Variants in DUOX1 observed in about 807,000 individuals in gnomAD.
The protein encoded by DUOX1 is dual oxidase 1.
A neutral mutation model predicts 181.8 loss-of-function variants in DUOX1; 134 were observed. The observed-to-expected ratio is 0.74, with a 90% confidence interval of 0.64 to 0.85. The LOEUF (loss-of-function observed/expected upper bound fraction) is 0.85. Among genes scored for constraint, DUOX1 ranks in the 40% least tolerant of loss-of-function variants. The pLI is 0.00. For missense variants in DUOX1, 1,814 were observed against 2,064.4 expected (o/e 0.88, Z 2.35); for synonymous variants, 798 against 832.5 (o/e 0.96, Z 0.71).
rs76239388 is a variant in DUOX1, at chr15:45,146,237, A to G, written c.2322+1157A>G. Among the ~76,000 whole-genome samples, 705 of 152,356 alleles carry G rather than the reference A, an allele frequency of 4.6e-3. 5 individuals are homozygous for G. The highest frequency in any genetic ancestry group is 0.016 in the African/African-American group (685 of 41,586). On this transcript the variant is annotated intron_variant, in intron 18 of 33. Transcript: ENST00000389037. ...ATGTTTGAGGAGAAAAAGCAGGATC[A>G]TGTGGTTGGGGAGAGGATTCATGAG...
intron 2 of DUOX1, among the ~76,000 whole-genome samples, chr15:45,132,848 AT>A (rs1896188235): frequency 6.6e-6 from 1 of 152,108 alleles, no homozygotes; most frequent in South Asian, 2.1e-4. Flanking sequence ...TCTCTCCTTT[AT>A]GTGCCACAGG....
intron 20 of DUOX1, 73 bp from the exon 21 acceptor site, chr15:45,148,199 T>C (rs1896705123): frequency 7.5e-6 from 12 of 1,602,002 alleles, no homozygotes; most frequent in Non-Finnish European, 9.4e-6. Flanking sequence ...CTTGGTGCGA[T>C]GGAGTCAGTG....
chr15:45,161,246 T>A (rs1595597549), intron 29 of DUOX1, among the ~76,000 whole-genome samples: 1 of 144,196 alleles, frequency 6.9e-6, no homozygotes, highest in Non-Finnish European at 1.5e-5. Context: ...ACCCTGTCTC[T>A]ACCACAAAAA....
At chr15:45,147,751 T>C in intron 19 of DUOX1, 93 bp downstream of exon 19, 1 of 1,563,830 alleles carries the variant, frequency 6.4e-7, no homozygotes, top group Non-Finnish European at 8.8e-7. Context: ...CCATGGCAGA[T>C]GCCCAGAAGT....
chr15:45,164,868 G>C lies in DUOX1; in HGVS notation c.4623G>C (p.Arg1541=). The C allele has an allele frequency of 6.2e-7, 1 of 1,614,178 alleles. No homozygotes were observed. The highest frequency in any genetic ancestry group is 8.5e-7 in the Non-Finnish European group (1 of 1,180,006). ...GTCAGCTCATCAACAGGCAGGACCG[G>C]ACTCACTTCTCCCACCATTATGAGA... ...KACQLINRQD[R]THFSHHYENF is the part of the protein sequence containing the mutation. Residue 1541 remains arginine, a synonymous_variant, in exon 34 of 34, where the codon CGG becomes CGC. Coordinates refer to ENST00000389037, the MANE Select transcript of DUOX1 (RefSeq NM_175940.3).
intron 21 of DUOX1, among the ~76,000 whole-genome samples, chr15:45,148,816 C>T (rs1190526457): frequency 6.6e-6 from 1 of 151,828 alleles, no homozygotes; most frequent in Non-Finnish European, 1.5e-5. Context: ...GCCCCCTGTG[C>T]GTGGTGCCCA....
intron 7 of DUOX1, 151 bp from the exon 8 acceptor site, chr15:45,136,199 C>T (rs1896308734): frequency 7.2e-7 from 1 of 1,395,358 alleles, no homozygotes; most frequent in Non-Finnish European, 9.8e-7. Context: ...CTTGTGGGGA[C>T]AGGCCTCACA....
intron 20 of DUOX1, 28 bp from the exon 21 acceptor site, chr15:45,148,244 C>A (rs780306705): frequency 6.2e-7 from 1 of 1,613,332 alleles, no homozygotes; most frequent in Non-Finnish European, 8.5e-7. Flanking sequence ...CCAGTCAGGG[C>A]CGGATGGTTC....
At chr15:45,133,767 T>C (rs1896211843) in intron 2 of DUOX1, 97 bp from the exon 3 acceptor site, 1 of 1,042,894 alleles carries the variant, frequency 9.6e-7, no homozygotes, top group Non-Finnish European at 1.5e-6. Flanking sequence ...TTTCTGCTGC[T>C]CCAAGTGCCA....
chr15:45,133,867 C>T lies in DUOX1; in HGVS notation c.62C>T (p.Ala21Val). The T allele has an allele frequency of 6.2e-7, 1 of 1,613,726 alleles. No individual in the cohort carries two copies. The highest frequency in any genetic ancestry group is 8.5e-7 in the Non-Finnish European group (1 of 1,179,878). The change falls in exon 3 of 34, where the codon GCT (alanine) becomes GTT (valine). Residue 21 changes from alanine (A) to valine (V), a missense_variant. Coordinates refer to ENST00000389037, the MANE Select transcript of DUOX1 (RefSeq NM_175940.3). ...LLVGAWTPLG[A>V]QNPISWEVQR... ...CCTTCCCTCCATTCTCACACAGGAG[C>T]TCAGAACCCCATTTCGTGGGAGGTG...
chr15:45,164,835 A>T lies in DUOX1; in HGVS notation c.4590A>T (p.Glu1530Asp), dbSNP rs1410259329. ...CCCCTGGCATGACCAAGAATGTGGA[A>T]AAGGCCTGTCAGCTCATCAACAGGC... ...CGPPGMTKNV[E>D]KACQLINRQD... The change falls in exon 34 of 34, where the codon GAA becomes GAT. Residue 1530 changes from glutamate (E) to aspartate (D), a missense_variant. Transcript: ENST00000389037. The T allele has an allele frequency of 6.2e-7, 1 of 1,614,140 alleles. No individual in the cohort carries two copies. Among genetic ancestry groups the T allele is most frequent in the East Asian group, 2.2e-5 (1 of 44,880 alleles).
chr15:45,139,471 GC>G lies in DUOX1; in HGVS notation c.1263del (p.Ser422AlafsTer58). The G allele has an allele frequency of 6.2e-7, 1 of 1,613,248 alleles. No homozygotes were observed. The highest frequency in any genetic ancestry group is 1.7e-4 in the Middle Eastern group (1 of 6,048). ...GAAGTTTTCCCGCACAGACCACCTGGCCAGCTGCCTGCAGCGGGGCCGGGAT... is the reference window on the plus strand; with the variant it reads ...GAAGTTTTCCCGCACAGACCACCTGGCAGCTGCCTGCAGCGGGGCCGGGAT... Reference protein sequence around the residue: ...PLKFSRTDHLASCLQRGRDLG... With the variant: ...PLKFSRTDHLXSCLQRGRDLG... On this transcript the variant is annotated frameshift_variant, in exon 12 of 34. Transcript: ENST00000389037. LOFTEE classifies it high-confidence loss of function.
chr15:45,148,200 G>C (rs1270167694), intron 20 of DUOX1, 72 bp from the exon 21 acceptor site: 1 of 1,602,190 alleles, frequency 6.2e-7, no homozygotes, highest in Non-Finnish European at 8.5e-7. Flanking sequence ...TTGGTGCGAT[G>C]GAGTCAGTGT....
In DUOX1 at chr15:45,148,431, G is replaced by A. The variant is rs1275061839; in HGVS notation, c.2802G>A (p.Thr934=). The change falls in exon 21 of 34, where the codon ACG becomes ACA. Residue 934 remains threonine, a synonymous_variant. Transcript: ENST00000389037. ...LRDHNSELRF[T]QLCVKGVEVP... is the part of the protein sequence containing the mutation. ...ACCACAATAGCGAGCTCCGCTTCAC[G>A]CAGCTCTGTGTCAAAGGTGGGGCAG... 7 of 1,612,818 alleles carry A rather than the reference G, an allele frequency of 4.3e-6. No individual in the cohort carries two copies. Among genetic ancestry groups the A allele is most frequent in the East Asian group, 2.2e-5 (1 of 44,880 alleles).
rs375096893 is a variant in DUOX1, at chr15:45,141,041, C to T, written c.1536C>T (p.Asp512=). 2.8e-5 allele frequency: 45 copies of T among 1,614,116 alleles called. No homozygotes were observed. Among genetic ancestry groups the T allele is most frequent in the Non-Finnish European group, 3.8e-5 (45 of 1,180,050 alleles). ...AATTTGTGCGGCTACGGGATGGTGA[C>T]CGCTACTGGTTTGAGAACACCAGGA... ...LEQFVRLRDG[D]RYWFENTRNG... Residue 512 remains aspartate (D), a synonymous_variant, in exon 13 of 34, where the codon GAC becomes GAT. Transcript: ENST00000389037.
In DUOX1 at chr15:45,151,116, G is replaced by A; in HGVS notation, c.2889-7G>A. 6.2e-7 allele frequency: 1 copy of A among 1,614,046 alleles called. No homozygotes were observed. Among genetic ancestry groups the A allele is most frequent in the Non-Finnish European group, 8.5e-7 (1 of 1,179,968 alleles). ...CAGCATCCTATCTCTTACCATTCTT[G>A]TCTTAGTCCCTCTCCCAGAGTGAGT... On this transcript the variant is annotated splice_polypyrimidine_tract_variant and splice_region_variant and intron_variant, in intron 22 of 33. Transcript: ENST00000389037.
rs1897158613 is a variant in DUOX1, at chr15:45,163,621, C to A, written c.4338C>A (p.Asp1446Glu). 1 of 1,614,118 alleles carries A rather than the reference C, an allele frequency of 6.2e-7. No homozygotes were observed. The highest frequency in any genetic ancestry group is 8.5e-7 in the Non-Finnish European group (1 of 1,180,020). The change falls in exon 32 of 34, where the codon GAC becomes GAA. Residue 1446 changes from aspartate (D) to glutamate (E), a missense_variant. Asp to Glu is a conservative substitution (Grantham distance 45). Coordinates refer to ENST00000389037, the MANE Select transcript of DUOX1 (RefSeq NM_175940.3). ...IREVEENDHQ[D>E]LVSVHIYITQ... ...AGGTGGAGGAGAATGACCACCAGGA[C>A]CTGGTGTCTGTGCACATCTACATCA...
chr15:45,161,776 G>C lies in DUOX1; in HGVS notation c.3895G>C (p.Glu1299Gln). Residue 1299 changes from glutamate (E) to glutamine (Q), a missense_variant, in exon 30 of 34, where the codon GAG becomes CAG. Around this residue, in one of 5 missense-constraint regions of DUOX1, gnomAD observed 279 missense variants for 381.9 expected, o/e 0.73. Coordinates refer to ENST00000389037, the MANE Select transcript of DUOX1 (RefSeq NM_175940.3). Reference protein sequence around the residue: ...HLRFQRPQGFEYKSGQWVRIA... With the variant: ...HLRFQRPQGFQYKSGQWVRIA... ...GCGGTTCCAGCGGCCCCAGGGCTTT[G>C]AGTACAAGTCAGGGCAGTGGGTGCG... 1 of 1,613,986 alleles carries C rather than the reference G, an allele frequency of 6.2e-7. No individual in the cohort carries two copies. Among genetic ancestry groups the C allele is most frequent in the East Asian group, 2.2e-5 (1 of 44,874 alleles).
intron 12 of DUOX1, chr15:45,140,620 C>A (rs1896465199): frequency 2.9e-6 from 1 of 341,774 alleles, no homozygotes; most frequent in African/African-American, 2.1e-5. Context: ...AACTTTCATA[C>A]CTTTTCAAGA....
Sources: gnomAD v4.1 joint callset for allele counts (sites outside exome capture counted in the v4.1 genomes callset) on GRCh38, gnomAD v4.1.1 for gene constraint, gnomAD v4.1.1 regional missense constraint, MANE v1.5 for transcripts, NCBI Gene and HGNC (gene_info 2026-07-23, HGNC 2026-07-21) for gene names.